Variants in RIPOR3 observed in about 807,000 individuals in gnomAD.
RIPOR3 encodes family with sequence similarity 65 member C.
A neutral mutation model predicts 114.3 loss-of-function variants in RIPOR3; 95 were observed. The ratio of observed to expected loss-of-function variants is 0.83; its 90% confidence interval spans 0.70 to 0.99. The LOEUF (loss-of-function observed/expected upper bound fraction) is 0.99, where lower values mean the gene tolerates loss of function less well. RIPOR3 is among the 50% of genes least tolerant of loss of function. RIPOR3 has a pLI of 0.00. For synonymous variants in RIPOR3, 575 were observed against 543.8 expected (o/e 1.06, Z -0.80); for missense variants, 1,252 against 1,266.9 (o/e 0.99, Z 0.18).
intron 1 of RIPOR3, among the ~76,000 whole-genome samples, chr20:50,665,421 C>CTTTTTTTTTTTTTT (rs11471486): frequency 1.9e-5 from 2 of 107,848 alleles, no homozygotes; most frequent in East Asian, 3.2e-4. Flanking sequence ...CCCCCTCTTC[C>CTTTTTTTTTTTTTT]TTTTTTTTTT....
At chr20:50,661,814 C>T (rs2086006389) in intron 1 of RIPOR3, among the ~76,000 whole-genome samples, 1 of 152,170 alleles carries the variant, frequency 6.6e-6, no homozygotes, top group South Asian at 2.1e-4. Flanking sequence ...CCCCTGGGGT[C>T]CCGCGCAGGA....
rs143013539 is a variant in RIPOR3 at position 50,600,664 on chromosome 20, G to T, written c.1659+1408C>A. ...AGCCTCAACTAGTCAGGAGGCTGAG[G>T]GGGGAGGATCGTGTGATCCCAGGAG... is the stretch of plus-strand genomic sequence containing the variant. On this transcript the variant is annotated intron_variant, in intron 13 of 21. Transcript: ENST00000327979. Among the ~76,000 whole-genome samples, 429 of 152,294 alleles carry T rather than the reference G, an allele frequency of 2.8e-3. 3 individuals carry two copies. The highest frequency in any genetic ancestry group is 9.5e-3 in the African/African-American group (396 of 41,556).
At chr20:50,609,916 A>G (rs935030688) in intron 6 of RIPOR3, among the ~76,000 whole-genome samples, 194 bp from the exon 7 acceptor site, 8 of 151,586 alleles carry the variant, frequency 5.3e-5, no homozygotes, top group Admixed American at 4.6e-4. Flanking sequence ...ATGAACCCCC[A>G]TAGGCAGGGA....
At position 50,620,014 on chromosome 20, in the gene RIPOR3, T is replaced by C. The variant is rs1200293812; in HGVS notation, c.241A>G (p.Ile81Val). The change falls in exon 3 of 22, where the codon ATC becomes GTC. Residue 81 changes from isoleucine to valine, a missense_variant. Ile to Val is a conservative substitution (Grantham distance 29, BLOSUM62 3). Transcript: ENST00000327979. ...AGGCCTCTTTTCAATGCTTCGAAGA[T>C]CTTCTTCACCTGCTGGGGCTTCGGG... ...ADPKPQQVKK[I>V]FEALKRGLKE... 1.2e-5 allele frequency: 19 copies of C among 1,613,092 alleles called. No homozygotes were observed. In the East Asian group the frequency reaches 4.0e-4, roughly 34 times the overall value.
At chr20:50,643,706 C>CT (rs71190582) in intron 1 of RIPOR3, among the ~76,000 whole-genome samples, 171 of 134,956 alleles carry the variant, frequency 1.3e-3, no homozygotes, top group Non-Finnish European at 2.2e-3. Context: ...TTCTTTCTTT[C>CT]TTTTTTTTTT....
At chr20:50,596,946 G>A (rs2083312339) in intron 14 of RIPOR3, 1 of 147,674 alleles carries the variant, frequency 6.8e-6, no homozygotes, top group South Asian at 2.3e-4. Context: ...CCTTGGTTAG[G>A]GGCTAAGAGC....
intron 1 of RIPOR3, among the ~76,000 whole-genome samples, chr20:50,637,132 G>A (rs187889805): frequency 3.1e-4 from 47 of 152,262 alleles, no homozygotes; most frequent in South Asian, 6.2e-4. Context: ...GAGGGGGCCC[G>A]AGAAAGTGTG....
intron 4 of RIPOR3, among the ~76,000 whole-genome samples, chr20:50,613,926 C>T (rs2084065222): frequency 6.6e-6 from 1 of 152,188 alleles, no homozygotes; most frequent in Non-Finnish European, 1.5e-5. Context: ...CCCTGGCACA[C>T]ACATGAGGCT....
intron 1 of RIPOR3, among the ~76,000 whole-genome samples, chr20:50,665,126 C>T (rs777400985): frequency 6.6e-6 from 1 of 151,286 alleles, no homozygotes; most frequent in Non-Finnish European, 1.5e-5. Flanking sequence ...AAAAACAAAA[C>T]AAAACAAACA....
At chr20:50,591,061 A>C (rs1252072669) in intron 19 of RIPOR3, among the ~76,000 whole-genome samples, 2 of 152,176 alleles carry the variant, frequency 1.3e-5, no homozygotes, top group Non-Finnish European at 2.9e-5. Context: ...CAAAGTCTAG[A>C]TAGTCTAGGT....
chr20:50,657,886 T>C (rs1046352388), intron 1 of RIPOR3, among the ~76,000 whole-genome samples: 5 of 151,700 alleles, frequency 3.3e-5, no homozygotes, highest in Non-Finnish European at 5.9e-5. Flanking sequence ...CTCTCTTAAG[T>C]AGCTAGGACT....
chr20:50,609,847 G>T, intron 6 of RIPOR3, 125 bp from the exon 7 acceptor site: 2 of 1,136,866 alleles, frequency 1.8e-6, no homozygotes, highest in South Asian at 2.1e-5. Flanking sequence ...CCAGCCCATG[G>T]TGACAGTCAC....
intron 2 of RIPOR3, among the ~76,000 whole-genome samples, chr20:50,627,017 G>GA (rs1193955700): frequency 0.22 from 26,998 of 122,886 alleles, 2,869 homozygotes; most frequent in East Asian, 0.33. Flanking sequence ...TCCGTCTCAA[G>GA]AAAAAAAAAA....
Position 50,683,017 on chromosome 20 carries a change from G to A in RIPOR3, c.3+8109C>T, listed in dbSNP as rs138353121. 7.2e-4 allele frequency among the ~76,000 whole-genome samples: 109 copies of A among 152,230 alleles called. No homozygotes were observed. The East Asian group carries it at 0.015, about 21-fold the overall frequency. ...ACTGGGATTACAGGCATGAGCCACC[G>A]TGCCTGGTGATAAAACTATTTTTTT... On this transcript the variant is annotated intron_variant, in intron 1 of 21. Coordinates refer to ENST00000327979, the MANE Select transcript of RIPOR3 (RefSeq NM_001290268.2).
chr20:50,591,704 G>A (rs2122868642), intron 19 of RIPOR3, among the ~76,000 whole-genome samples: 1 of 152,328 alleles, frequency 6.6e-6, no homozygotes, highest in South Asian at 2.1e-4. Context: ...TGAAAAAGCA[G>A]AGAGGTCCAC....
intron 1 of RIPOR3, among the ~76,000 whole-genome samples, chr20:50,642,359 TGTGTGTGTGTGTGTGTGTGA>T (rs1392776935): frequency 8.8e-5 from 7 of 79,750 alleles, no homozygotes; most frequent in African/African-American, 2.7e-4. Flanking sequence ...TGTGTGTGTG[TGTGTGTGTGTGTGTGTGTGA>T]GAGAGAGAGA....
chr20:50,617,268 G>A (rs775135689), intron 3 of RIPOR3, among the ~76,000 whole-genome samples: 7 of 152,156 alleles, frequency 4.6e-5, no homozygotes, highest in Non-Finnish European at 8.8e-5. Context: ...CACCTCAAAT[G>A]TGGAAAAGAT....
chr20:50,604,702 G>A lies in RIPOR3; in HGVS notation c.1029C>T (p.Gly343=), dbSNP rs760246573. 7.5e-6 allele frequency: 12 copies of A among 1,609,192 alleles called. No individual in the cohort carries two copies. The highest frequency in any genetic ancestry group is 3.3e-4 in the Middle Eastern group (2 of 6,052). ...TCGGGGGTGTCCAGTTGTACAAGGA[G>A]CCCTTCCTGCTGCCCATAGAAAACT... ...TGKFSMGSRK[G]SLYNWTPPST... The change falls in exon 12 of 22, where the codon GGC becomes GGT. Residue 343 remains glycine (G), a synonymous_variant. Transcript: ENST00000327979.
intron 1 of RIPOR3, among the ~76,000 whole-genome samples, chr20:50,641,041 C>G (rs2085172611): frequency 6.6e-6 from 1 of 151,688 alleles, no homozygotes; most frequent in South Asian, 2.1e-4. Context: ...TCCTGAGTAG[C>G]TGGGATTACA....
Sources: allele counts gnomAD v4.1 joint callset (sites outside exome capture counted in the v4.1 genomes callset), GRCh38; gene constraint gnomAD v4.1.1; transcripts MANE v1.5; gene names NCBI Gene and HGNC (gene_info 2026-07-23, HGNC 2026-07-21).